The following C1orf159 variants were observed in gnomAD, a reference collection of about 807,000 sequenced individuals.
C1orf159 encodes the protein chromosome 1 open reading frame 159, also known as uncharacterized protein C1orf159.
In C1orf159, 19 loss-of-function variants were observed where a neutral mutation model predicts 25.6. The ratio of observed to expected loss-of-function variants is 0.74; its 90% CI spans 0.52 to 1.09. C1orf159 has a LOEUF of 1.09. Ranked by LOEUF, C1orf159 falls within the 50% of genes least tolerant of loss-of-function variation. The pLI, the probability that C1orf159 is intolerant of heterozygous loss-of-function variation, is 0.00. For missense variants in C1orf159, 274 were observed against 290.6 expected, an observed-to-expected ratio of 0.94 and a Z score of 0.42; for synonymous variants, 139 against 124.7, an observed-to-expected ratio of 1.12 and a Z score of -0.77.
chr1:1,107,729 C>T (rs1382648884), intron 1 of C1orf159, among the ~76,000 whole-genome samples: 1 of 152,204 alleles, frequency 6.6e-6, no homozygotes, highest in Non-Finnish European at 1.5e-5. Context: ...GAGCCAGCAG[C>T]AGCAACCCAC....
chr1:1,090,773 T>A (rs1211286735), intron 3 of C1orf159: 1 of 1,011,914 alleles, frequency 9.9e-7, no homozygotes, highest in African/African-American at 1.6e-5. Context: ...GGTTTCCGCT[T>A]GACCCCACAG....
chr1:1,097,815 TAA>T (rs1358857632), intron 1 of C1orf159, among the ~76,000 whole-genome samples: 1 of 152,150 alleles, frequency 6.6e-6, no homozygotes, highest in African/African-American at 2.4e-5. Context: ...TTGATATTGT[TAA>T]GTTTCTCCAT....
At position 1,087,007 on chromosome 1, in the gene C1orf159, C is replaced by T. The variant is rs911671049; in HGVS notation, c.310+132G>A. 22 of 908,338 alleles carry T rather than the reference C, an allele frequency of 2.4e-5. No individual in the cohort carries two copies. The highest frequency in any genetic ancestry group is 2.9e-4 in the Middle Eastern group (1 of 3,410). The allele number at this position is 908,338 out of a possible 1,614,324, so 56.3% of individuals were successfully genotyped here. A position where few individuals can be genotyped will look rare whatever the true frequency, so the allele number is the denominator to read the frequency against. ...TGACCCCAAGCTGCAGGGGCTGCCA[C>T]GCTCCCCTCTGGCTGTTTTGCAGAA... On this transcript the variant is annotated intron_variant, in intron 6 of 9. Transcript: ENST00000421241. This position sits in a 1 kb window ranked among gnomAD's most constrained non-coding sequence, Gnocchi z 8.3.
At chr1:1,091,062 C>G (rs1645923470) in intron 3 of C1orf159, 1 of 1,203,136 alleles carries the variant, frequency 8.3e-7, no homozygotes, top group Non-Finnish European at 1.2e-6. Flanking sequence ...GGGAGGGGCC[C>G]AGGTCCGGTC....
intron 6 of C1orf159, among the ~76,000 whole-genome samples, chr1:1,086,902 T>C (rs1645840830): frequency 6.6e-6 from 1 of 152,150 alleles, no homozygotes; most frequent in African/African-American, 2.4e-5. Context: ...GGTGTGGCCA[T>C]CAGGGCCTCC....
chr1:1,103,700 C>T (rs181767784), intron 1 of C1orf159, among the ~76,000 whole-genome samples: 1 of 152,300 alleles, frequency 6.6e-6, no homozygotes, highest in Admixed American at 6.5e-5. Flanking sequence ...CTGCCTGCTC[C>T]TGGAACAAGG....
At chr1:1,103,273 G>A (rs984941750) in intron 1 of C1orf159, among the ~76,000 whole-genome samples, 7 of 152,198 alleles carry the variant, frequency 4.6e-5, no homozygotes, top group African/African-American at 1.7e-4. Flanking sequence ...CACTAAACCT[G>A]CTCCAAAGTG....
intron 1 of C1orf159, among the ~76,000 whole-genome samples, chr1:1,095,149 A>T (rs905742014): frequency 8.5e-5 from 13 of 152,204 alleles, no homozygotes; most frequent in African/African-American, 3.1e-4. Context: ...GAAACTTTGA[A>T]ATCAGGGCAC....
chr1:1,112,024 A>G (rs1398028842), intron 1 of C1orf159, among the ~76,000 whole-genome samples: 2 of 152,210 alleles, frequency 1.3e-5, no homozygotes, highest in Non-Finnish European at 2.9e-5. Context: ...GGCTCAGCAC[A>G]CCGGAGTCGG....
intron 7 of C1orf159, 84 bp from the exon 8 acceptor site, chr1:1,084,590 C>T (rs959494298): frequency 1.6e-5 from 25 of 1,517,730 alleles, no homozygotes; most frequent in Non-Finnish European, 2.0e-5. Context: ...GACAGCAGAG[C>T]GAGGAGCTGC....
At chr1:1,083,251 C>T (rs987474679) in intron 9 of C1orf159, 10 of 449,940 alleles carry the variant, frequency 2.2e-5, no homozygotes, top group Admixed American at 7.9e-5. Flanking sequence ...AAGGGCCAGG[C>T]GATCCCCGAA....
At chr1:1,084,211 G>T in intron 9 of C1orf159, 142 bp downstream of exon 9, 1 of 1,521,854 alleles carries the variant, frequency 6.6e-7, no homozygotes, top group African/African-American at 1.4e-5. Context: ...GCCCTGCCTT[G>T]TGGGTGGGTC....
chr1:1,090,574 T>C (rs1225749533), intron 3 of C1orf159, 146 bp from the exon 4 acceptor site: 6 of 853,534 alleles, frequency 7.0e-6, no homozygotes, highest in Non-Finnish European at 7.4e-6. Context: ...GGTGGCCCTC[T>C]GTCCCCTGTG....
chr1:1,092,221 C>G (rs1318943109), intron 1 of C1orf159, 118 bp from the exon 2 acceptor site: 1 of 270,936 alleles, frequency 3.7e-6, no homozygotes, highest in Non-Finnish European at 7.5e-6. Flanking sequence ...CTTGCCGGCC[C>G]CTGGCTGTCG....
chr1:1,089,645 C>T lies in C1orf159; in HGVS notation c.148+708G>A, dbSNP rs1357498689. On this transcript the variant is annotated intron_variant, in intron 4 of 9. Coordinates refer to ENST00000421241, the MANE Select transcript of C1orf159 (RefSeq NM_017891.5). This position sits in a 1 kb window ranked among gnomAD's most constrained non-coding sequence, Gnocchi z 7.5. ...CCAGGAGCAGCCCTTCTGGGTTCTT[C>T]CATCATGGGAGGGCTGGACCCCCAG... is the stretch of plus-strand genomic sequence containing the variant. Among the ~76,000 whole-genome samples the T allele has an allele frequency of 2.0e-5, 3 of 152,164 alleles. No individual in the cohort carries two copies. The highest frequency in any genetic ancestry group is 2.9e-5 in the Non-Finnish European group (2 of 68,008).
At position 1,091,494 on chromosome 1, in the gene C1orf159, G is replaced by C; in HGVS notation, c.50C>G (p.Ala17Gly). The change falls in exon 3 of 10, where the codon GCC (alanine) becomes GGC (glycine). Residue 17 changes from alanine (A) to glycine (G), a missense_variant. Transcript: ENST00000421241. ...ALLAGLLVGV[A>G]SKSMENTAQL... ...TACCGTGTTCTCCATGGACTTGCTGGCGACTCCCACGAGAAGGCCAGCCAG... is the reference window on the plus strand; with the variant it reads ...TACCGTGTTCTCCATGGACTTGCTGCCGACTCCCACGAGAAGGCCAGCCAG... 6.5e-7 allele frequency: 1 copy of C among 1,550,332 alleles called. No individual in the cohort carries two copies. Among genetic ancestry groups the C allele is most frequent in the South Asian group, 1.2e-5 (1 of 84,052 alleles).
rs560741358 is a variant in C1orf159, at chr1:1,097,613, G to C, written c.-135-5510C>G. ...TTTTTTTTTTTTTTTTGTAGAGATG[G>C]GGTCTCCTTCTGATTCCCAGGCTGG... On this transcript the variant is annotated intron_variant, in intron 1 of 9. Transcript: ENST00000421241. Among the ~76,000 whole-genome samples, 858 of 142,996 alleles carry C rather than the reference G, an allele frequency of 6.0e-3. 8 individuals are homozygous for C. Among genetic ancestry groups the C allele is most frequent in the Non-Finnish European group, 9.3e-3 (618 of 66,198 alleles). 93.8% of individuals were successfully genotyped at this position (142,996 alleles called of 152,430 possible). A position where few individuals can be genotyped will look rare whatever the true frequency, so the allele number is the denominator to read the frequency against.
At position 1,102,743 on chromosome 1, in the gene C1orf159, A is replaced by G. The variant is rs112884964; in HGVS notation, c.-135-10640T>C. Among the ~76,000 whole-genome samples, 791 of 150,056 alleles carry G rather than the reference A, an allele frequency of 5.3e-3. 8 individuals carry two copies. Among genetic ancestry groups the G allele is most frequent in the African/African-American group, 0.018 (747 of 41,064 alleles). On this transcript the variant is annotated intron_variant, in intron 1 of 9. Transcript: ENST00000421241. Reference sequence around the variant, plus strand: ...AACCTGGGAGGCAGAAGTTGCAGTGAGACGAGATCGTGCCACTGAACTCCA... The same window carrying G: ...AACCTGGGAGGCAGAAGTTGCAGTGGGACGAGATCGTGCCACTGAACTCCA...
At chr1:1,086,783 CGTGA>C (rs1413187079) in intron 6 of C1orf159, among the ~76,000 whole-genome samples, 5 of 151,820 alleles carry the variant, frequency 3.3e-5, no homozygotes, top group South Asian at 2.1e-4. Flanking sequence ...CAGCGTGAGC[CGTGA>C]GTGTGAGCCT....
Sources: gnomAD v4.1 joint callset for allele counts (sites outside exome capture counted in the v4.1 genomes callset) on GRCh38, gnomAD v4.1.1 for gene constraint, Gnocchi (gnomAD v3.1) non-coding constraint, MANE v1.5 for transcripts, NCBI Gene and HGNC (gene_info 2026-07-23, HGNC 2026-07-21) for gene names.